AGAP1: variants seen among roughly 807,000 people sequenced by gnomAD.
AGAP1 encodes ArfGAP with GTPase domain, ankyrin repeat and PH domain 1, also known as arf-GAP with GTPase, ANK repeat and PH domain-containing protein 1.
Under a neutral mutation model 105.3 loss-of-function variants are expected in AGAP1, and 29 were observed. That is an observed-to-expected ratio of 0.28 (90% CI 0.21 to 0.38). The LOEUF (loss-of-function observed/expected upper bound fraction) is 0.38. Among genes scored for constraint, AGAP1 ranks in the 10% least tolerant of loss-of-function variants. AGAP1 has a pLI of 1.00. For synonymous variants in AGAP1, 509 were observed against 485.9 expected, an observed-to-expected ratio of 1.05 and a Z score of -0.63; for missense variants, 998 against 1,165.1, an observed-to-expected ratio of 0.86 and a Z score of 2.09.
At chr2:235,756,495 T>C (rs1421300655) in intron 6 of AGAP1, among the ~76,000 whole-genome samples, 2 of 152,088 alleles carry the variant, frequency 1.3e-5, no homozygotes, top group Non-Finnish European at 2.9e-5. Context: ...AAGAATTGTT[T>C]TCATTTCTTC....
intron 1 of AGAP1, among the ~76,000 whole-genome samples, chr2:235,541,884 T>C (rs541450395): frequency 5.9e-5 from 9 of 152,358 alleles, no homozygotes; most frequent in Non-Finnish European, 8.8e-5. Context: ...TGAGTCATGA[T>C]AATGCACGTC....
chr2:235,978,976 T>C (rs1158691793), intron 13 of AGAP1, among the ~76,000 whole-genome samples: 1 of 152,176 alleles, frequency 6.6e-6, no homozygotes, highest in East Asian at 1.9e-4. Flanking sequence ...CAGGATTAGA[T>C]GGGCTCTGTT....
chr2:235,575,785 T>G (rs1169406527), intron 1 of AGAP1, among the ~76,000 whole-genome samples: 1 of 152,218 alleles, frequency 6.6e-6, no homozygotes, highest in Non-Finnish European at 1.5e-5. Context: ...AATGGAGATG[T>G]GTCTTTCTTC....
intron 1 of AGAP1, among the ~76,000 whole-genome samples, chr2:235,656,043 T>C (rs941460349): frequency 1.3e-5 from 2 of 152,188 alleles, no homozygotes; most frequent in Admixed American, 6.5e-5. Context: ...CCATCGCACG[T>C]TTCTTCCTTC....
intron 1 of AGAP1, among the ~76,000 whole-genome samples, chr2:235,679,283 A>G (rs1300699944): frequency 1.3e-5 from 2 of 152,172 alleles, no homozygotes; most frequent in Non-Finnish European, 2.9e-5. Context: ...TACTTTATTT[A>G]GCTGTAATAC....
rs749327124 is a variant in AGAP1, at chr2:235,738,563, C to CTT, written c.311-2389_311-2388dup. 9.1e-3 allele frequency among the ~76,000 whole-genome samples: 1,316 copies of CTT among 144,114 alleles called. 15 individuals carry two copies. The highest frequency in any genetic ancestry group is 0.031 in the African/African-American group (1,194 of 38,872). The allele number at this position is 144,114 out of a possible 152,430, so 94.5% of individuals were successfully genotyped here. On this transcript the variant is annotated intron_variant, in intron 3 of 17. Coordinates refer to ENST00000304032, the MANE Select transcript of AGAP1 (RefSeq NM_001037131.3). ...GTTATTTTTCTTTCTTTCTTTCTTTCTTTTTTTTTTTTGAGACACAGTCTT... is the reference window on the plus strand; with the variant it reads ...GTTATTTTTCTTTCTTTCTTTCTTTCTTTTTTTTTTTTTTGAGACACAGTCTT...
Position 235,691,084 on chromosome 2 carries a change from C to G in AGAP1, c.164-18095C>G, listed in dbSNP as rs1949713057. Among the ~76,000 whole-genome samples the G allele has an allele frequency of 6.6e-6, 1 of 152,096 alleles. No homozygotes were observed. The highest frequency in any genetic ancestry group is 2.1e-4 in the South Asian group (1 of 4,816). ...GGGGGTTGTAGACAAGATTCTACCC[C>G]CTCCTCCAGACTCTGCTCCCTAGGC... On this transcript the variant is annotated intron_variant, in intron 1 of 17. Transcript: ENST00000304032. The surrounding 1 kb of genome is among the most constrained non-coding windows in gnomAD (Gnocchi z 4.4).
At chr2:235,560,090 G>A (rs181237253) in intron 1 of AGAP1, among the ~76,000 whole-genome samples, 1 of 152,188 alleles carries the variant, frequency 6.6e-6, no homozygotes, top group East Asian at 1.9e-4. Flanking sequence ...TACTCCTTGT[G>A]TTTTCTTCTA....
intron 9 of AGAP1, among the ~76,000 whole-genome samples, chr2:235,878,861 C>T (rs2049874490): frequency 6.6e-6 from 1 of 152,226 alleles, no homozygotes; most frequent in Non-Finnish European, 1.5e-5. Context: ...TCACTTCTCT[C>T]CCTGCAAGGG....
chr2:236,109,789 T>C lies in AGAP1; in HGVS notation c.2115-10403T>C, dbSNP rs1467241828. ...GTCTAAAGGAACTGTGTTTTTAATG[T>C]TATTTTGTTTCAATTCACGTCAACA... On this transcript the variant is annotated intron_variant, in intron 16 of 17. Transcript: ENST00000304032. This position sits in a 1 kb window ranked among gnomAD's most constrained non-coding sequence, Gnocchi z 5.4. Among the ~76,000 whole-genome samples, 1 of 152,260 alleles carries C rather than the reference T, an allele frequency of 6.6e-6. No individual in the cohort carries two copies. The highest frequency in any genetic ancestry group is 1.5e-5 in the Non-Finnish European group (1 of 68,050).
At chr2:236,088,520 A>G (rs2058985085) in intron 16 of AGAP1, among the ~76,000 whole-genome samples, 1 of 152,208 alleles carries the variant, frequency 6.6e-6, no homozygotes, top group Non-Finnish European at 1.5e-5. Flanking sequence ...TAGCTATTAC[A>G]TGAAGAAGAT....
rs894675750 is a variant in AGAP1, at chr2:236,045,234, C to T, written c.1892-3825C>T. 6.6e-6 allele frequency among the ~76,000 whole-genome samples: 1 copy of T among 151,914 alleles called. No individual in the cohort carries two copies. The highest frequency in any genetic ancestry group is 2.1e-4 in the South Asian group (1 of 4,808). ...CTGGGCCTAGTTTTTTTTATTTTTTCCTGCTTGGTCTGTCCTCATAGAATC... is the reference window on the plus strand; with the variant it reads ...CTGGGCCTAGTTTTTTTTATTTTTTTCTGCTTGGTCTGTCCTCATAGAATC... On this transcript the variant is annotated intron_variant, in intron 15 of 17. Transcript: ENST00000304032. This position sits in a 1 kb window ranked among gnomAD's most constrained non-coding sequence, Gnocchi z 6.9.
rs146586980 is a variant in AGAP1, at chr2:236,061,622, T to C, written c.2114+12341T>C. The stretch of plus-strand genomic sequence containing the variant: ...GCACAGAAGGCCACACCGTGTACCA[T>C]TCCATCTGTCTGATGGCGAAAACAG... On this transcript the variant is annotated intron_variant, in intron 16 of 17. Coordinates refer to ENST00000304032, the MANE Select transcript of AGAP1 (RefSeq NM_001037131.3). The surrounding 1 kb of genome is among the most constrained non-coding windows in gnomAD (Gnocchi z 4.1). Among the ~76,000 whole-genome samples the C allele has an allele frequency of 1.6e-4, 24 of 152,246 alleles. 1 individual carries two copies. In the East Asian group the frequency reaches 3.5e-3, roughly 22 times the overall value.
In AGAP1 at chr2:236,027,319, C is replaced by T. The variant is rs866221424; in HGVS notation, c.1646-9242C>T. ...GGGCCTAGCATAGCTGGATTCCACT[C>T]GGCAGTGTTGGTGTAGAGTGGCCTT... On this transcript the variant is annotated intron_variant, in intron 13 of 17. Coordinates refer to ENST00000304032, the MANE Select transcript of AGAP1 (RefSeq NM_001037131.3). This position sits in a 1 kb window ranked among gnomAD's most constrained non-coding sequence, Gnocchi z 4.4. Among the ~76,000 whole-genome samples the T allele has an allele frequency of 5.3e-5, 8 of 152,136 alleles. No homozygotes were observed. The highest frequency in any genetic ancestry group is 1.9e-4 in the East Asian group (1 of 5,178).
At chr2:235,605,412 C>T (rs1324103251) in intron 1 of AGAP1, among the ~76,000 whole-genome samples, 2 of 152,220 alleles carry the variant, frequency 1.3e-5, no homozygotes, top group African/African-American at 2.4e-5. Context: ...TCGCCACATG[C>T]GAAGATTCTA....
At chr2:235,844,091 C>G (rs532139768) in intron 9 of AGAP1, among the ~76,000 whole-genome samples, 69 of 152,330 alleles carry the variant, frequency 4.5e-4, no homozygotes, top group African/African-American at 1.6e-3. Context: ...CTAATGAAGT[C>G]TTTCCTGCTG....
chr2:236,063,139 G>A (rs961070097), intron 16 of AGAP1, among the ~76,000 whole-genome samples: 30 of 151,848 alleles, frequency 2.0e-4, no homozygotes, highest in African/African-American at 5.3e-4. Flanking sequence ...TTTTGCCCAG[G>A]CTACAGTGCA....
At position 235,845,573 on chromosome 2, in the gene AGAP1, T is replaced by C. The variant is rs1364115850; in HGVS notation, c.1051-37772T>C. Among the ~76,000 whole-genome samples, 1 of 147,264 alleles carries C rather than the reference T, an allele frequency of 6.8e-6. No individual in the cohort carries two copies. The highest frequency in any genetic ancestry group is 1.5e-5 in the Non-Finnish European group (1 of 66,908). ...GACAGCAGACCTTTCCTTCCAGTTATTCCTTTCCTTCCAGTTATTCCTTTC... is the reference window on the plus strand; with the variant it reads ...GACAGCAGACCTTTCCTTCCAGTTACTCCTTTCCTTCCAGTTATTCCTTTC... On this transcript the variant is annotated intron_variant, in intron 9 of 17. Transcript: ENST00000304032. The surrounding 1 kb of genome is among the most constrained non-coding windows in gnomAD (Gnocchi z 4.8).
intron 1 of AGAP1, among the ~76,000 whole-genome samples, chr2:235,697,424 A>G (rs1326842402): frequency 6.6e-6 from 1 of 152,072 alleles, no homozygotes; most frequent in Non-Finnish European, 1.5e-5. Flanking sequence ...CAGTGCCCCC[A>G]CTTCCCCCTG....
Sources: gnomAD v4.1 joint callset for allele counts (sites outside exome capture counted in the v4.1 genomes callset) on GRCh38, gnomAD v4.1.1 for gene constraint, Gnocchi (gnomAD v3.1) non-coding constraint, MANE v1.5 for transcripts, NCBI Gene and HGNC (gene_info 2026-07-23, HGNC 2026-07-21) for gene names.